The following FREM3 variants were observed in gnomAD, a reference collection of about 807,000 sequenced individuals.
FREM3 encodes the protein FRAS1 related extracellular matrix 3.
In FREM3, 105 loss-of-function variants were observed where a neutral mutation model predicts 129.1. The observed-to-expected ratio is 0.81, with a 90% CI of 0.69 to 0.96. The LOEUF is 0.96. Among genes scored for constraint, FREM3 ranks in the 40% least tolerant of loss-of-function variants. The pLI is 0.00. For synonymous variants in FREM3, 1,014 were observed against 1,044.9 expected, an observed-to-expected ratio of 0.97 and a Z score of 0.57; for missense variants, 2,593 against 2,666.3, an observed-to-expected ratio of 0.97 and a Z score of 0.61.
intron 2 of FREM3, among the ~76,000 whole-genome samples, chr4:143,656,547 A>G (rs1307404792): frequency 6.6e-6 from 1 of 152,236 alleles, no homozygotes; most frequent in Non-Finnish European, 1.5e-5. Flanking sequence ...GCTAAGTGAC[A>G]GAAACCAGAC....
intron 6 of FREM3, among the ~76,000 whole-genome samples, chr4:143,588,060 C>T (rs1401302203): frequency 6.6e-6 from 1 of 152,134 alleles, no homozygotes; most frequent in Admixed American, 6.6e-5. Context: ...AGCAGCCAAC[C>T]AGTTTATCTC....
chr4:143,621,946 G>A (rs1391187), intron 4 of FREM3, among the ~76,000 whole-genome samples: 71,591 of 151,996 alleles, frequency 0.47, 17,276 homozygotes, highest in African/African-American at 0.56. Context: ...AGATTGTTCC[G>A]ACTTATAGTG....
chr4:143,654,392 G>A (rs1425056488), intron 2 of FREM3, among the ~76,000 whole-genome samples: 1 of 152,194 alleles, frequency 6.6e-6, no homozygotes, highest in Non-Finnish European at 1.5e-5. Context: ...GCATGAACCA[G>A]CATGCCAGGC....
chr4:143,659,531 G>A (rs557719645), intron 2 of FREM3, among the ~76,000 whole-genome samples: 8 of 151,608 alleles, frequency 5.3e-5, no homozygotes, highest in South Asian at 2.1e-4. Context: ...GAATAGTGCC[G>A]CAATAAACAT....
At chr4:143,677,845 A>G (rs890203246) in intron 2 of FREM3, among the ~76,000 whole-genome samples, 2 of 152,234 alleles carry the variant, frequency 1.3e-5, no homozygotes, top group Non-Finnish European at 2.9e-5. Context: ...GTGAGATATG[A>G]TCTCACAGCA....
chr4:143,677,068 A>T (rs1198187107), intron 2 of FREM3, among the ~76,000 whole-genome samples: 1 of 152,226 alleles, frequency 6.6e-6, no homozygotes, highest in Non-Finnish European at 1.5e-5. Context: ...GAACCAAAAA[A>T]GAGCCCGCAT....
intron 2 of FREM3, among the ~76,000 whole-genome samples, chr4:143,643,411 A>G (rs965910193): frequency 3.9e-4 from 4 of 10,374 alleles, no homozygotes; most frequent in Non-Finnish European, 1.3e-3. Flanking sequence ...TGTGGTATAG[A>G]AACACAATGT....
chr4:143,699,577 C>T lies in FREM3; in HGVS notation c.1099G>A (p.Asp367Asn), dbSNP rs1200557347. The part of the protein sequence containing the change: ...PGQQGYVVST[D>N]DPLGLPVSFF... Reference sequence around the variant, plus strand: ...GAGACTGGAAGCCCTAGAGGGTCGTCGGTGCTGACCACGTAGCCCTGTTGC... The same window carrying T: ...GAGACTGGAAGCCCTAGAGGGTCGTTGGTGCTGACCACGTAGCCCTGTTGC... The change falls in exon 1 of 8, where the codon GAC becomes AAC. Residue 367 changes from aspartate to asparagine, a missense_variant. By Grantham distance (23) the Asp-to-Asn change is conservative. Around this residue, in one of 2 missense-constraint regions of FREM3, gnomAD observed 2,276 missense variants for 2,267.2 expected, o/e 1.00. Transcript: ENST00000329798. This position sits in a 1 kb window ranked among gnomAD's most constrained non-coding sequence, Gnocchi z 4.2. 7.8e-6 allele frequency: 12 copies of T among 1,534,812 alleles called. No homozygotes were observed. Among genetic ancestry groups the T allele is most frequent in the Admixed American group, 2.0e-5 (1 of 50,762 alleles).
intron 6 of FREM3, among the ~76,000 whole-genome samples, chr4:143,591,958 T>C (rs968159901): frequency 6.6e-5 from 10 of 152,164 alleles, no homozygotes; most frequent in Non-Finnish European, 1.0e-4. Context: ...GGATAGTTAG[T>C]TGTTCTTGTT....
intron 6 of FREM3, among the ~76,000 whole-genome samples, chr4:143,590,668 A>G (rs1228762635): frequency 1.3e-5 from 2 of 152,184 alleles, no homozygotes; most frequent in African/African-American, 4.8e-5. Context: ...TTTTGCATCA[A>G]TGTTCATCAA....
intron 2 of FREM3, among the ~76,000 whole-genome samples, chr4:143,685,352 TCAAA>T (rs1288638433): frequency 2.0e-5 from 3 of 152,160 alleles, no homozygotes; most frequent in African/African-American, 7.2e-5. Context: ...TTCAGCCTCC[TCAAA>T]CAAAGTAATT....
At chr4:143,653,074 C>G (rs1739539896) in intron 2 of FREM3, among the ~76,000 whole-genome samples, 1 of 152,182 alleles carries the variant, frequency 6.6e-6, no homozygotes, top group Non-Finnish European at 1.5e-5. Flanking sequence ...AGGAGCAACA[C>G]AAACACAAAT....
intron 4 of FREM3, among the ~76,000 whole-genome samples, chr4:143,623,272 G>A (rs138237701): frequency 6.6e-6 from 1 of 152,102 alleles, no homozygotes; most frequent in Non-Finnish European, 1.5e-5. Context: ...TCCTAGACTT[G>A]TTTGATCATG....
In FREM3 at chr4:143,695,585, G is replaced by A. The variant is rs1740549946; in HGVS notation, c.5091C>T (p.His1697=). The A allele has an allele frequency of 6.5e-7, 1 of 1,537,242 alleles. No homozygotes were observed. The highest frequency in any genetic ancestry group is 8.7e-7 in the Non-Finnish European group (1 of 1,146,938). Residue 1697 remains histidine (H), a synonymous_variant, in exon 1 of 8, where the codon CAC becomes CAT. Transcript: ENST00000329798. ...TGGTCACTTTATACTTCAGAAGCCT[G>A]TGGGGACTGTCCTGATCTTCTGCCT... is the stretch of plus-strand genomic sequence containing the variant. ...SLKAEDQDSP[H]RLLKYKVTRG...
chr4:143,680,038 T>C (rs1497619), intron 2 of FREM3, among the ~76,000 whole-genome samples: 11,055 of 152,062 alleles, frequency 0.073, 1,073 homozygotes, highest in African/African-American at 0.21. Context: ...TCAAGCATTC[T>C]TTTTTTCTTA....
At chr4:143,601,774 C>A (rs367714869) in intron 6 of FREM3, 10 of 152,096 alleles carry the variant, frequency 6.6e-5, no homozygotes, top group African/African-American at 2.4e-4. Context: ...CGTCCCTGGC[C>A]TGGGGTAATC....
intron 5 of FREM3, among the ~76,000 whole-genome samples, chr4:143,618,527 CT>C (rs1738891386): frequency 6.6e-6 from 1 of 152,034 alleles, no homozygotes; most frequent in African/African-American, 2.4e-5. Flanking sequence ...AAACTGAGGG[CT>C]AAGCTGATTA....
intron 2 of FREM3, among the ~76,000 whole-genome samples, chr4:143,662,454 A>G (rs1333129459): frequency 6.6e-6 from 1 of 152,004 alleles, no homozygotes; most frequent in Non-Finnish European, 1.5e-5. Context: ...TCTGAGAGAC[A>G]GTTTGTTATA....
At chr4:143,579,863 A>G (rs908081697) in intron 7 of FREM3, among the ~76,000 whole-genome samples, 2 of 152,226 alleles carry the variant, frequency 1.3e-5, no homozygotes, top group African/African-American at 4.8e-5. Context: ...CTACAACTCT[A>G]CTTGTTAAAC....
Sources: allele counts gnomAD v4.1 joint callset (sites outside exome capture counted in the v4.1 genomes callset), GRCh38; gene constraint gnomAD v4.1.1; regional missense constraint gnomAD v4.1.1; non-coding constraint Gnocchi (gnomAD v3.1); transcripts MANE v1.5; gene names NCBI Gene and HGNC (gene_info 2026-07-23, HGNC 2026-07-21).